Variants in CAMK2A observed in about 807,000 individuals in gnomAD.
CAMK2A encodes calcium/calmodulin dependent protein kinase II alpha, also known as calcium/calmodulin-dependent protein kinase type II subunit alpha.
In CAMK2A, 7 loss-of-function variants were observed where a neutral mutation model predicts 79.2. The ratio of observed to expected loss-of-function variants is 0.09; its 90% confidence interval spans 0.05 to 0.17. The LOEUF is 0.17. CAMK2A is among the 10% of genes least tolerant of loss of function. The probability of loss-of-function intolerance (pLI) is 1.00; values close to 1 mark genes in which losing one functional copy is unlikely to be tolerated. For missense variants in CAMK2A, 214 were observed against 646.4 expected (o/e 0.33, Z 7.25); for synonymous variants, 242 against 251.7 (o/e 0.96, Z 0.36).
At chr5:150,253,344 T>A (rs1482383637) in intron 7 of CAMK2A, 100 bp downstream of exon 7, 1 of 947,716 alleles carries the variant, frequency 1.1e-6, no homozygotes, top group Non-Finnish European at 1.7e-6. Context: ...CCCAACAGCA[T>A]CTCCAGCCAT....
intron 11 of CAMK2A, among the ~76,000 whole-genome samples, chr5:150,248,651 C>T (rs1473238309): frequency 4.6e-5 from 7 of 152,060 alleles, no homozygotes; most frequent in Non-Finnish European, 1.5e-5. Context: ...CATGTCCCTA[C>T]AAAGGACAGG....
intron 12 of CAMK2A, 102 bp from the exon 13 acceptor site, chr5:150,245,303 C>T: frequency 9.0e-7 from 1 of 1,110,686 alleles, no homozygotes. Context: ...GGGCAGACTG[C>T]AGGGAGCAGA....
At chr5:150,288,553 T>C (rs1386106996) in intron 1 of CAMK2A, among the ~76,000 whole-genome samples, 1 of 152,010 alleles carries the variant, frequency 6.6e-6, no homozygotes, top group Non-Finnish European at 1.5e-5. Context: ...TGCACACTAG[T>C]ACACACACAT....
intron 1 of CAMK2A, among the ~76,000 whole-genome samples, chr5:150,274,225 C>A (rs919653734): frequency 1.3e-5 from 2 of 152,154 alleles, no homozygotes; most frequent in Non-Finnish European, 2.9e-5. Flanking sequence ...ATTTTATCCT[C>A]AAACTATTAG....
At chr5:150,234,867 A>T (rs1002083663) in intron 15 of CAMK2A, among the ~76,000 whole-genome samples, 1 of 151,968 alleles carries the variant, frequency 6.6e-6, no homozygotes, top group Non-Finnish European at 1.5e-5. Context: ...TCCTTCCAAA[A>T]CCCGCTAGAT....
intron 14 of CAMK2A, among the ~76,000 whole-genome samples, chr5:150,238,976 C>A (rs1222351263): frequency 1.3e-5 from 2 of 152,190 alleles, no homozygotes; most frequent in Non-Finnish European, 2.9e-5. Flanking sequence ...GCAAAGAGAA[C>A]CCTGGCCTTT....
chr5:150,259,992 A>T (rs200546811), intron 3 of CAMK2A, among the ~76,000 whole-genome samples: 5 of 108,150 alleles, frequency 4.6e-5, no homozygotes, highest in African/African-American at 1.4e-4. Context: ...AATTAAAAAT[A>T]AAAAAAATTC....
intron 2 of CAMK2A, among the ~76,000 whole-genome samples, chr5:150,268,041 T>C (rs923583271): frequency 5.3e-5 from 8 of 151,902 alleles, no homozygotes; most frequent in African/African-American, 1.9e-4. Flanking sequence ...GCCAGGCTAA[T>C]ATTTTGTATT....
intron 1 of CAMK2A, among the ~76,000 whole-genome samples, chr5:150,287,919 A>C (rs116373971): frequency 0.01 from 1,537 of 148,472 alleles, 41 homozygotes; most frequent in African/African-American, 0.036. Flanking sequence ...GAGGTGGTGC[A>C]TGCCTGTAGG....
intron 2 of CAMK2A, among the ~76,000 whole-genome samples, chr5:150,270,330 C>T (rs1756697499): frequency 6.6e-6 from 1 of 152,212 alleles, no homozygotes; most frequent in African/African-American, 2.4e-5. Flanking sequence ...GCAAAATTTT[C>T]ACTTTTCACT....
chr5:150,230,347 A>T (rs1754789698), intron 16 of CAMK2A, among the ~76,000 whole-genome samples: 1 of 151,848 alleles, frequency 6.6e-6, no homozygotes, highest in Non-Finnish European at 1.5e-5. Context: ...AAAAGGGAAA[A>T]AAAAAAGAAT....
chr5:150,245,586 G>A (rs1755533927), intron 12 of CAMK2A, among the ~76,000 whole-genome samples: 1 of 152,154 alleles, frequency 6.6e-6, no homozygotes, highest in African/African-American at 2.4e-5. Context: ...GGCTGGACAC[G>A]CCCTCCCCAC....
intron 3 of CAMK2A, among the ~76,000 whole-genome samples, chr5:150,260,487 G>T (rs943270917): frequency 6.6e-6 from 1 of 151,654 alleles, no homozygotes; most frequent in East Asian, 1.9e-4. Context: ...GTGTAAATGG[G>T]TATTTAACTG....
chr5:150,230,921 T>C (rs760577669), intron 16 of CAMK2A, among the ~76,000 whole-genome samples: 2 of 152,174 alleles, frequency 1.3e-5, no homozygotes, highest in Non-Finnish European at 2.9e-5. Context: ...CACTCAGGCC[T>C]ACTGGGCAGG....
In CAMK2A at chr5:150,223,144, T is replaced by C; in HGVS notation, c.1311A>G (p.Ser437=). The change falls in exon 18 of 19, where the codon TCA becomes TCG. Residue 437 remains serine, a synonymous_variant. Transcript: ENST00000671881. The surrounding 1 kb of genome is among the most constrained non-coding windows in gnomAD (Gnocchi z 4.1). ...NPHIHLMGDE[S]ACIAYIRITQ... ...TGATGCGGATGTAGGCGATGCAGGC[T>C]GACTCGTCGCCCATCAGGTGGATGT... The C allele has an allele frequency of 6.2e-7, 1 of 1,614,104 alleles. No individual in the cohort carries two copies. Among genetic ancestry groups the C allele is most frequent in the Non-Finnish European group, 8.5e-7 (1 of 1,180,038 alleles).
chr5:150,280,595 A>G (rs1390689109), intron 1 of CAMK2A, among the ~76,000 whole-genome samples: 1 of 152,016 alleles, frequency 6.6e-6, no homozygotes, highest in Non-Finnish European at 1.5e-5. Flanking sequence ...CCAGGGCTCC[A>G]TGGAAGAAAT....
At chr5:150,285,660 C>A (rs1757394083) in intron 1 of CAMK2A, among the ~76,000 whole-genome samples, 1 of 152,214 alleles carries the variant, frequency 6.6e-6, no homozygotes, top group African/African-American at 2.4e-5. Context: ...TGGCCAACTG[C>A]AGCCTTGGCA....
At chr5:150,244,606 C>A (rs981372817) in intron 13 of CAMK2A, among the ~76,000 whole-genome samples, 7 of 152,168 alleles carry the variant, frequency 4.6e-5, no homozygotes, top group African/African-American at 1.7e-4. Flanking sequence ...TGGGACAGGG[C>A]AGGCCCTTGG....
intron 16 of CAMK2A, among the ~76,000 whole-genome samples, chr5:150,231,028 A>C (rs1351742802): frequency 6.6e-6 from 1 of 152,146 alleles, no homozygotes; most frequent in African/African-American, 2.4e-5. Flanking sequence ...TTGGGGAAGC[A>C]AGGGAGTTTT....
Sources: allele counts gnomAD v4.1 joint callset (sites outside exome capture counted in the v4.1 genomes callset), GRCh38; gene constraint gnomAD v4.1.1; non-coding constraint Gnocchi (gnomAD v3.1); transcripts MANE v1.5; gene names NCBI Gene and HGNC (gene_info 2026-07-23, HGNC 2026-07-21).